The following OSBPL8 variants were observed in gnomAD, a reference collection of about 807,000 sequenced individuals.
The protein encoded by OSBPL8 is oxysterol binding protein like 8, also known as oxysterol-binding protein-related protein 8.
A neutral mutation model predicts 125.5 loss-of-function variants in OSBPL8; 59 were observed. That is an observed-to-expected ratio of 0.47 (90% CI 0.38 to 0.58). The LOEUF is 0.58. Among genes scored for constraint, OSBPL8 ranks in the 20% least tolerant of loss-of-function variants. The pLI, the probability that OSBPL8 is intolerant of heterozygous loss-of-function variation, is 0.00. For missense variants in OSBPL8, 758 were observed against 1,047.8 expected (o/e 0.72, Z 3.82); for synonymous variants, 330 against 338.9 (o/e 0.97, Z 0.29).
intron 1 of OSBPL8, among the ~76,000 whole-genome samples, chr12:76,549,643 C>T (rs752499296): frequency 3.3e-5 from 5 of 152,094 alleles, no homozygotes; most frequent in Admixed American, 6.5e-5. Flanking sequence ...CCTCATGATC[C>T]ACCCGCCTCG....
At chr12:76,427,069 T>C (rs1014357344) in intron 4 of OSBPL8, among the ~76,000 whole-genome samples, 7 of 152,182 alleles carry the variant, frequency 4.6e-5, no homozygotes, top group Non-Finnish European at 1.0e-4. Flanking sequence ...GTAAAATAAA[T>C]GTGGTTTAGC....
chr12:76,367,229 GGTGTGT>G (rs71311108), intron 21 of OSBPL8, among the ~76,000 whole-genome samples: 241 of 147,276 alleles, frequency 1.6e-3, no homozygotes, highest in Non-Finnish European at 2.8e-3. Context: ...TTTGTTGATT[GGTGTGT>G]GTGTGTGTGT....
chr12:76,495,594 T>C (rs1202985193), intron 1 of OSBPL8, among the ~76,000 whole-genome samples: 1 of 152,100 alleles, frequency 6.6e-6, no homozygotes, highest in Admixed American at 6.5e-5. Context: ...ATACTATGTC[T>C]CTATTCTCCA....
At chr12:76,543,011 G>A (rs1241450827) in intron 1 of OSBPL8, among the ~76,000 whole-genome samples, 3 of 152,124 alleles carry the variant, frequency 2.0e-5, no homozygotes, top group South Asian at 2.1e-4. Context: ...TCCCCTCCCC[G>A]ACTAGGTGTG....
At chr12:76,381,011 G>A (rs915164853) in intron 15 of OSBPL8, among the ~76,000 whole-genome samples, 2 of 151,968 alleles carry the variant, frequency 1.3e-5, no homozygotes, top group South Asian at 2.1e-4. Context: ...CTATTAATAT[G>A]GTAAATTACA....
At chr12:76,499,304 C>CTCTATCTATCTATCTATCTATCTATCTA (rs1555231510) in intron 1 of OSBPL8, among the ~76,000 whole-genome samples, 1 of 127,986 alleles carries the variant, frequency 7.8e-6, no homozygotes, top group African/African-American at 3.0e-5. Flanking sequence ...ACTTAATAAA[C>CTCTATCTATCTATCTATCTATCTATCTA]TCTATCTATC....
chr12:76,498,338 A>G (rs796621481), intron 1 of OSBPL8, among the ~76,000 whole-genome samples: 2 of 152,252 alleles, frequency 1.3e-5, no homozygotes, highest in Non-Finnish European at 2.9e-5. Context: ...AAAACTGTAC[A>G]TAACAGTATT....
intron 1 of OSBPL8, among the ~76,000 whole-genome samples, chr12:76,510,706 C>G (rs1880882746): frequency 6.6e-6 from 1 of 151,932 alleles, no homozygotes; most frequent in Non-Finnish European, 1.5e-5. Flanking sequence ...ATGGAGAAAC[C>G]CCATCTCTAC....
intron 21 of OSBPL8, among the ~76,000 whole-genome samples, chr12:76,362,883 C>A (rs1392702683): frequency 1.3e-5 from 2 of 152,186 alleles, no homozygotes; most frequent in African/African-American, 4.8e-5. Flanking sequence ...CATTCTTATA[C>A]ACCAATAATA....
intron 4 of OSBPL8, among the ~76,000 whole-genome samples, chr12:76,414,182 T>G (rs2136441676): frequency 6.6e-6 from 1 of 152,258 alleles, no homozygotes; most frequent in East Asian, 1.9e-4. Context: ...TATCCATATG[T>G]GTCAAATGTT....
At chr12:76,554,492 C>T (rs1348549952) in intron 1 of OSBPL8, among the ~76,000 whole-genome samples, 1 of 152,174 alleles carries the variant, frequency 6.6e-6, no homozygotes, top group Non-Finnish European at 1.5e-5. Flanking sequence ...CTTCTCTGTG[C>T]CTCAGGTTTA....
intron 9 of OSBPL8, 89 bp from the exon 10 acceptor site, chr12:76,392,841 T>G (rs533934804): frequency 8.6e-5 from 112 of 1,294,808 alleles, no homozygotes; most frequent in Middle Eastern, 5.8e-4. Context: ...ACTATTTCTT[T>G]GAGAAACATG....
chr12:76,366,582 T>C (rs1372037652), intron 21 of OSBPL8: 5 of 450,306 alleles, frequency 1.1e-5, no homozygotes, highest in African/African-American at 2.0e-5. Flanking sequence ...TTCTGCTAGC[T>C]TTGGGTTTAG....
At chr12:76,482,521 G>A (rs1180644667) in intron 2 of OSBPL8, among the ~76,000 whole-genome samples, 1 of 152,140 alleles carries the variant, frequency 6.6e-6, no homozygotes, top group South Asian at 2.1e-4. Flanking sequence ...GCTGGGGCAG[G>A]AGAATTGCTT....
intron 3 of OSBPL8, among the ~76,000 whole-genome samples, chr12:76,452,412 C>T (rs1353973450): frequency 6.6e-6 from 1 of 152,106 alleles, no homozygotes; most frequent in Non-Finnish European, 1.5e-5. Context: ...AACTTACATA[C>T]CCAACTGCCT....
chr12:76,531,596 T>C (rs1950340341), intron 1 of OSBPL8, among the ~76,000 whole-genome samples: 1 of 152,124 alleles, frequency 6.6e-6, no homozygotes, highest in Admixed American at 6.5e-5. Flanking sequence ...AGGAAACAAT[T>C]GAAAGCCTTC....
At position 76,353,072 on chromosome 12, in the gene OSBPL8, C is replaced by CA. The variant is rs1055304192; in HGVS notation, c.*2816dup. The CA allele has an allele frequency of 6.6e-6, 1 of 152,132 alleles. No homozygotes were observed. Among genetic ancestry groups the CA allele is most frequent in the Non-Finnish European group, 1.5e-5 (1 of 67,792 alleles). 9.4% of individuals were successfully genotyped at this position (152,132 alleles called of 1,614,324 possible). A position where few individuals can be genotyped will look rare whatever the true frequency, so the allele number is the denominator to read the frequency against. On this transcript the variant is annotated 3_prime_UTR_variant, in exon 24 of 24. Coordinates refer to ENST00000261183, the MANE Select transcript of OSBPL8 (RefSeq NM_020841.5). Reference sequence around the variant, plus strand: ...TGAATCACATTATAGTTCTGTAACACAAAAAATGACAAAAAATATTTTCTT... The same window carrying CA: ...TGAATCACATTATAGTTCTGTAACACAAAAAAATGACAAAAAATATTTTCTT...
chr12:76,445,082 T>C (rs1174578125), intron 4 of OSBPL8, among the ~76,000 whole-genome samples: 1 of 152,122 alleles, frequency 6.6e-6, no homozygotes, highest in Non-Finnish European at 1.5e-5. Flanking sequence ...CTCACCAAAG[T>C]ATGTAAAAAA....
intron 2 of OSBPL8, among the ~76,000 whole-genome samples, chr12:76,472,505 G>A (rs1017609009): frequency 6.6e-6 from 1 of 152,134 alleles, no homozygotes; most frequent in African/African-American, 2.4e-5. Context: ...CCAAGACGCG[G>A]AGACTGGTAG....
Sources: allele counts gnomAD v4.1 joint callset (sites outside exome capture counted in the v4.1 genomes callset), GRCh38; gene constraint gnomAD v4.1.1; transcripts MANE v1.5; gene names NCBI Gene and HGNC (gene_info 2026-07-23, HGNC 2026-07-21).